The following FGF5 variants were observed in gnomAD, a reference collection of about 807,000 sequenced individuals.
FGF5 encodes heparin-binding growth factor 5.
FGF5 carries 23 observed loss-of-function variants against 21.8 expected under a neutral mutation model. That is an observed-to-expected ratio of 1.05 (90% CI 0.76 to 1.49). The LOEUF (loss-of-function observed/expected upper bound fraction) is 1.49. Among genes scored for constraint, FGF5 ranks in the 40% most tolerant of loss-of-function variants. The probability of loss-of-function intolerance (pLI) is 0.00; values close to 1 mark genes in which losing one functional copy is unlikely to be tolerated. For missense variants in FGF5, 352 were observed against 332.9 expected, an observed-to-expected ratio of 1.06 and a Z score of -0.45; for synonymous variants, 158 against 124.0, an observed-to-expected ratio of 1.27 and a Z score of -1.82.
rs1240059948 is a variant in FGF5 at position 80,266,873 on chromosome 4, A to C, written c.49A>C (p.Ser17Arg). ...CCTCTTCTTCAGCCACCTGATCCTC[A>C]GCGCCTGGGCTCACGGGGAGAAGCG... is the stretch of plus-strand genomic sequence containing the variant. ...LLLFFSHLIL[S>R]AWAHGEKRLA... is the part of the protein sequence containing the mutation. The change falls in exon 1 of 3, where the codon AGC becomes CGC. Residue 17 changes from serine (S) to arginine (R), a missense_variant. Coordinates refer to ENST00000312465, the MANE Select transcript of FGF5 (RefSeq NM_004464.4). 2 of 1,611,108 alleles carry C rather than the reference A, an allele frequency of 1.2e-6. No individual in the cohort carries two copies. The highest frequency in any genetic ancestry group is 8.5e-7 in the Non-Finnish European group (1 of 1,178,774).
chr4:80,279,999 C>T (rs923277448), intron 2 of FGF5, among the ~76,000 whole-genome samples: 2 of 152,176 alleles, frequency 1.3e-5, no homozygotes, highest in African/African-American at 4.8e-5. Flanking sequence ...GGACTTCCTG[C>T]GCTGCAGGCA....
intron 2 of FGF5, among the ~76,000 whole-genome samples, chr4:80,283,740 A>G (rs937386011): frequency 6.6e-6 from 1 of 152,180 alleles, no homozygotes; most frequent in Non-Finnish European, 1.5e-5. Context: ...ATAATGTATT[A>G]CACATTTTCA....
chr4:80,278,299 T>C (rs186291377), intron 2 of FGF5, among the ~76,000 whole-genome samples: 3 of 152,280 alleles, frequency 2.0e-5, no homozygotes, highest in Admixed American at 2.0e-4. Flanking sequence ...TTAAGACTTA[T>C]AGTTAAAATT....
intron 1 of FGF5, 59 bp downstream of exon 1, chr4:80,267,238 G>A (rs1431923289): frequency 7.3e-7 from 1 of 1,371,686 alleles, no homozygotes; most frequent in East Asian, 2.3e-5. Flanking sequence ...ATTCGGGAGG[G>A]ACAGCAGGTA....
At position 80,286,546 on chromosome 4, in the gene FGF5, T is replaced by A. The variant is rs771551248; in HGVS notation, c.681T>A (p.Leu227=). Residue 227 remains leucine (L), a synonymous_variant, in exon 3 of 3, where the codon CTT becomes CTA. Transcript: ENST00000312465. ...PRFKQSEQPE[L]SFTVTVPEKK... is the part of the protein sequence containing the mutation. The stretch of plus-strand genomic sequence containing the variant: ...TCAAGCAGTCGGAGCAGCCAGAACT[T>A]TCTTTCACGGTTACTGTTCCTGAAA... 10 of 1,613,944 alleles carry A rather than the reference T, an allele frequency of 6.2e-6. No individual in the cohort carries two copies. The highest frequency in any genetic ancestry group is 1.3e-5 in the African/African-American group (1 of 74,908).
At position 80,281,598 on chromosome 4, in the gene FGF5, T is replaced by C. The variant is rs556646867; in HGVS notation, c.460-4727T>C. On this transcript the variant is annotated intron_variant, in intron 2 of 2. Transcript: ENST00000312465. ...GTCTGTTCAAATTCACTCCTATTTC[T>C]ATATCTCATATCCTACATATTTAGT... Among the ~76,000 whole-genome samples the C allele has an allele frequency of 6.6e-5, 10 of 152,298 alleles. No homozygotes were observed. In the South Asian group the frequency reaches 2.1e-3, roughly 32 times the overall value.
chr4:80,283,297 C>T (rs746569652), intron 2 of FGF5, among the ~76,000 whole-genome samples: 2 of 152,014 alleles, frequency 1.3e-5, no homozygotes, highest in Non-Finnish European at 2.9e-5. Flanking sequence ...CCCTGGGTAA[C>T]AGTTAGGTGA....
At chr4:80,279,999 C>A (rs923277448) in intron 2 of FGF5, among the ~76,000 whole-genome samples, 1 of 152,176 alleles carries the variant, frequency 6.6e-6, no homozygotes, top group African/African-American at 2.4e-5. Flanking sequence ...GGACTTCCTG[C>A]GCTGCAGGCA....
intron 1 of FGF5, among the ~76,000 whole-genome samples, chr4:80,267,733 G>GTAGGTAGATAGATAGA (rs1553910467): frequency 1.3e-5 from 2 of 150,952 alleles, no homozygotes; most frequent in African/African-American, 4.9e-5. Flanking sequence ...ATACACATAG[G>GTAGGTAGATAGATAGA]TAGATAGATA....
At chr4:80,267,274 CTGA>C in intron 1 of FGF5, 95 bp downstream of exon 1, 1 of 1,033,686 alleles carries the variant, frequency 9.7e-7, no homozygotes, top group East Asian at 2.5e-5. Context: ...GCTCACCTTC[CTGA>C]GCCCAGGCCA....
At chr4:80,279,140 T>A (rs1169670398) in intron 2 of FGF5, among the ~76,000 whole-genome samples, 1 of 152,190 alleles carries the variant, frequency 6.6e-6, no homozygotes. Flanking sequence ...AGGCCTTGAG[T>A]GTGATGGTAA....
chr4:80,284,064 G>A (rs984273987), intron 2 of FGF5, among the ~76,000 whole-genome samples: 4 of 152,166 alleles, frequency 2.6e-5, no homozygotes, highest in African/African-American at 9.7e-5. Context: ...ATAGCAGTCC[G>A]GGCCTAAATG....
At chr4:80,284,298 G>T (rs933170611) in intron 2 of FGF5, among the ~76,000 whole-genome samples, 1 of 152,140 alleles carries the variant, frequency 6.6e-6, no homozygotes, top group African/African-American at 2.4e-5. Context: ...GCTGGGCATG[G>T]TGGCACACAC....
intron 2 of FGF5, among the ~76,000 whole-genome samples, chr4:80,276,748 G>A (rs1420710170): frequency 2.1e-5 from 3 of 142,400 alleles, no homozygotes; most frequent in African/African-American, 5.2e-5. Flanking sequence ...GAGTTCTCAC[G>A]AGGGCTGGAA....
chr4:80,283,068 C>A (rs1037233401), intron 2 of FGF5, among the ~76,000 whole-genome samples: 9 of 152,152 alleles, frequency 5.9e-5, no homozygotes, highest in Admixed American at 6.5e-5. Flanking sequence ...AATAGTCAAT[C>A]CTTCAAGATG....
At chr4:80,285,307 A>G (rs769094819) in intron 2 of FGF5, among the ~76,000 whole-genome samples, 1 of 152,150 alleles carries the variant, frequency 6.6e-6, no homozygotes, top group Non-Finnish European at 1.5e-5. Flanking sequence ...CATCCTAGGT[A>G]GAGGTCACGC....
chr4:80,282,335 T>C (rs2109927630), intron 2 of FGF5, among the ~76,000 whole-genome samples: 2 of 152,282 alleles, frequency 1.3e-5, no homozygotes, highest in East Asian at 3.9e-4. Context: ...GAAAAAATAG[T>C]TCGATTTGTT....
chr4:80,268,691 C>G (rs969646557), intron 1 of FGF5: 1 of 251,716 alleles, frequency 4.0e-6, no homozygotes, highest in East Asian at 1.8e-4. Flanking sequence ...TCTAGTCTAT[C>G]TGATCGCGCT....
intron 2 of FGF5, among the ~76,000 whole-genome samples, chr4:80,278,102 A>G (rs1360060830): frequency 6.6e-6 from 1 of 152,138 alleles, no homozygotes; most frequent in Non-Finnish European, 1.5e-5. Flanking sequence ...AGTGCTTGGT[A>G]GATAAAAGTT....
Sources: allele counts gnomAD v4.1 joint callset (sites outside exome capture counted in the v4.1 genomes callset), GRCh38; gene constraint gnomAD v4.1.1; transcripts MANE v1.5; gene names NCBI Gene and HGNC (gene_info 2026-07-23, HGNC 2026-07-21).